Variants in ARMC8 observed in about 807,000 individuals in gnomAD.
The protein encoded by ARMC8 is armadillo repeat containing 8, also known as armadillo repeat-containing protein 8.
ARMC8 carries 20 observed loss-of-function variants against 99.3 expected under a neutral mutation model. The observed-to-expected ratio is 0.20, with a 90% CI of 0.14 to 0.29. The LOEUF (loss-of-function observed/expected upper bound fraction) is 0.29. Ranked by LOEUF, ARMC8 falls within the 10% of genes least tolerant of loss-of-function variation. The probability of loss-of-function intolerance (pLI) is 1.00; values close to 1 mark genes in which losing one functional copy is unlikely to be tolerated. For missense variants in ARMC8, 569 were observed against 809.5 expected, an observed-to-expected ratio of 0.70 and a Z score of 3.60; for synonymous variants, 263 against 278.3, an observed-to-expected ratio of 0.95 and a Z score of 0.55.
rs2046653468 is a variant in ARMC8, at chr3:138,242,104, A to AT, written c.1038+122dup. The AT allele has an allele frequency of 4.0e-6, 3 of 742,190 alleles. No homozygotes were observed. The Admixed American group carries it at 8.4e-5, about 21-fold the overall frequency. 46.0% of individuals were successfully genotyped at this position (742,190 alleles called of 1,614,324 possible). ...AGCCCTTTTAAATAAAGGTTCTTTT[A>AT]TCTTTGGTAACATAGATAATATTGC... On this transcript the variant is annotated intron_variant, in intron 11 of 21. Transcript: ENST00000469044.
At chr3:138,250,770 T>G (rs1188526768) in intron 12 of ARMC8, among the ~76,000 whole-genome samples, 1 of 152,196 alleles carries the variant, frequency 6.6e-6, no homozygotes, top group Non-Finnish European at 1.5e-5. Context: ...CCAATGTAAT[T>G]TTTTCTGTAT....
At chr3:138,265,225 TG>T (rs2048165153) in intron 14 of ARMC8, among the ~76,000 whole-genome samples, 1 of 152,098 alleles carries the variant, frequency 6.6e-6, no homozygotes, top group Non-Finnish European at 1.5e-5. Flanking sequence ...ATAACATTTT[TG>T]GTGTTAGGTC....
At chr3:138,215,354 C>T (rs1298400110) in intron 2 of ARMC8, among the ~76,000 whole-genome samples, 1 of 151,718 alleles carries the variant, frequency 6.6e-6, no homozygotes, top group Non-Finnish European at 1.5e-5. Context: ...GTAGCTGGGA[C>T]TACAGGCACA....
intron 11 of ARMC8, among the ~76,000 whole-genome samples, chr3:138,244,778 G>A (rs1388845532): frequency 1.3e-5 from 2 of 152,216 alleles, no homozygotes; most frequent in Non-Finnish European, 2.9e-5. Context: ...TGCCAGTAAA[G>A]CTACCATTTA....
chr3:138,228,386 CAG>C (rs1559955739), intron 5 of ARMC8, among the ~76,000 whole-genome samples: 1 of 152,158 alleles, frequency 6.6e-6, no homozygotes, highest in Non-Finnish European at 1.5e-5. Flanking sequence ...CAGCAATAGG[CAG>C]AGAGTGGGCT....
At chr3:138,212,308 CTT>C (rs898136861) in intron 2 of ARMC8, among the ~76,000 whole-genome samples, 29 of 131,676 alleles carry the variant, frequency 2.2e-4, no homozygotes, top group Admixed American at 3.9e-4. Flanking sequence ...TTTAAGTAAT[CTT>C]TTTTTTTTTT....
intron 6 of ARMC8, 170 bp downstream of exon 6, chr3:138,229,180 A>ATATATATG (rs2045898206): frequency 3.4e-5 from 1 of 29,500 alleles, no homozygotes; most frequent in Non-Finnish European, 7.2e-5. Context: ...ATATATATAT[A>ATATATATG]TATGTATATG....
chr3:138,255,456 C>T (rs1343515312), intron 12 of ARMC8, among the ~76,000 whole-genome samples: 1 of 152,092 alleles, frequency 6.6e-6, no homozygotes, highest in East Asian at 1.9e-4. Flanking sequence ...CCCGCCTTGG[C>T]CTCCCAAAGT....
At chr3:138,252,055 A>G (rs1437390278) in intron 12 of ARMC8, among the ~76,000 whole-genome samples, 2 of 152,238 alleles carry the variant, frequency 1.3e-5, no homozygotes, top group African/African-American at 4.8e-5. Flanking sequence ...TAGGATTGTG[A>G]TAAGAATCAG....
In ARMC8 at chr3:138,223,642, T is replaced by C; in HGVS notation, c.344T>C (p.Leu115Pro). ...ATCTCATTTCTGTTAATAGGACTAC[T>C]GTCCCCAGACCTGAAGTTTATTGAA... ...HIIPALLQGLLSPDLKFIEAC... is the reference protein window; with the variant it reads ...HIIPALLQGLPSPDLKFIEAC... The change falls in exon 5 of 22, where the codon CTG becomes CCG. Residue 115 changes from leucine (L) to proline (P), a missense_variant. Leu to Pro is a moderately conservative substitution (Grantham distance 98). Transcript: ENST00000469044. The C allele has an allele frequency of 6.2e-7, 1 of 1,614,210 alleles. No homozygotes were observed. The highest frequency in any genetic ancestry group is 1.1e-5 in the South Asian group (1 of 91,090).
intron 21 of ARMC8, among the ~76,000 whole-genome samples, chr3:138,295,248 G>GT (rs2051371118): frequency 6.6e-6 from 1 of 151,974 alleles, no homozygotes; most frequent in South Asian, 2.1e-4. Context: ...CCCCATCACC[G>GT]TAACAACACA....
chr3:138,238,850 G>A (rs1190307649), intron 9 of ARMC8: 1 of 152,174 alleles, frequency 6.6e-6, no homozygotes, highest in East Asian at 1.9e-4. Flanking sequence ...AATTTCTGAA[G>A]CGCTTAATGT....
chr3:138,203,087 T>C (rs990967379), intron 1 of ARMC8, among the ~76,000 whole-genome samples: 1 of 152,226 alleles, frequency 6.6e-6, no homozygotes, highest in African/African-American at 2.4e-5. Flanking sequence ...TCCTGAGCTA[T>C]CTGTAAGTTT....
At chr3:138,282,887 T>A (rs2050073105) in intron 18 of ARMC8, among the ~76,000 whole-genome samples, 1 of 152,156 alleles carries the variant, frequency 6.6e-6, no homozygotes, top group Non-Finnish European at 1.5e-5. Flanking sequence ...AGAGTGCAGA[T>A]TATTATTGAT....
chr3:138,238,804 A>G (rs1372328042), intron 9 of ARMC8: 3 of 152,216 alleles, frequency 2.0e-5, no homozygotes, highest in Non-Finnish European at 4.4e-5. Flanking sequence ...CCATCTTGCT[A>G]AAGGAATGTA....
intron 2 of ARMC8, 125 bp from the exon 3 acceptor site, chr3:138,221,801 A>G (rs1462873705): frequency 2.9e-6 from 2 of 685,882 alleles, no homozygotes; most frequent in African/African-American, 3.6e-5. Context: ...TTAGTACTTT[A>G]GGTGAAAAAA....
At chr3:138,194,203 C>T (rs1251734868) in intron 1 of ARMC8, among the ~76,000 whole-genome samples, 8 of 151,118 alleles carry the variant, frequency 5.3e-5, no homozygotes, top group African/African-American at 1.5e-4. Flanking sequence ...CTGCCACGCC[C>T]GGCTAATTTT....
intron 5 of ARMC8, among the ~76,000 whole-genome samples, chr3:138,225,969 C>G (rs560276959): frequency 6.6e-6 from 1 of 152,188 alleles, no homozygotes; most frequent in Admixed American, 6.5e-5. Flanking sequence ...CAGTAGGGAG[C>G]ACCTAAATTA....
intron 12 of ARMC8, among the ~76,000 whole-genome samples, chr3:138,258,057 C>T (rs116410492): frequency 0.014 from 2,156 of 152,260 alleles, 41 homozygotes; most frequent in African/African-American, 0.049. Context: ...GAAACTTTCA[C>T]AAAAGCCTAT....
Sources: allele counts gnomAD v4.1 joint callset (sites outside exome capture counted in the v4.1 genomes callset), GRCh38; gene constraint gnomAD v4.1.1; transcripts MANE v1.5; gene names NCBI Gene and HGNC (gene_info 2026-07-23, HGNC 2026-07-21).